Variants in STRN3 observed in about 807,000 individuals in gnomAD.
STRN3 encodes the protein striatin 3.
Under a neutral mutation model 95.6 loss-of-function variants are expected in STRN3, and 29 were observed. That is an observed-to-expected ratio of 0.30 (90% CI 0.23 to 0.41). The LOEUF (loss-of-function observed/expected upper bound fraction) is 0.41. STRN3 is among the 10% of genes least tolerant of loss of function. The probability of loss-of-function intolerance (pLI) is 1.00; values close to 1 mark genes in which losing one functional copy is unlikely to be tolerated. For missense variants in STRN3, 890 were observed against 972.1 expected, an observed-to-expected ratio of 0.92 and a Z score of 1.12; for synonymous variants, 331 against 357.6, an observed-to-expected ratio of 0.93 and a Z score of 0.84.
intron 7 of STRN3, among the ~76,000 whole-genome samples, chr14:30,933,280 T>TA (rs35736582): frequency 0.22 from 5,055 of 23,168 alleles, 737 homozygotes; most frequent in South Asian, 0.49. Flanking sequence ...CCCTGTTTCA[T>TA]AAAAAAAAAA....
intron 1 of STRN3, among the ~76,000 whole-genome samples, chr14:30,967,647 T>C (rs889298392): frequency 5.9e-5 from 9 of 152,316 alleles, no homozygotes; most frequent in East Asian, 1.9e-4. Flanking sequence ...CAGAAGAAAG[T>C]AGAAAAATAA....
Position 30,950,947 on chromosome 14 carries a change from A to C in STRN3, c.461-3T>G. On this transcript the variant is annotated splice_polypyrimidine_tract_variant and splice_region_variant and intron_variant, in intron 3 of 17. Transcript: ENST00000357479. The stretch of plus-strand genomic sequence containing the variant: ...AGCCTCTGTGTCTTTGGTTTCTTCT[A>C]AAAATTAAGAAAAAAAAAGTTTTAC... The C allele has an allele frequency of 6.2e-7, 1 of 1,606,478 alleles. No individual in the cohort carries two copies. The highest frequency in any genetic ancestry group is 8.5e-7 in the Non-Finnish European group (1 of 1,178,232).
At chr14:30,983,005 A>G (rs960781665) in intron 1 of STRN3, among the ~76,000 whole-genome samples, 1 of 152,168 alleles carries the variant, frequency 6.6e-6, no homozygotes, top group Non-Finnish European at 1.5e-5. Flanking sequence ...TGCTACCAAA[A>G]TGCTCCATAA....
At chr14:31,011,836 T>C (rs997832635) in intron 1 of STRN3, among the ~76,000 whole-genome samples, 1 of 152,134 alleles carries the variant, frequency 6.6e-6, no homozygotes, top group Non-Finnish European at 1.5e-5. Flanking sequence ...TCCCAGCACT[T>C]TGGGAGGCCA....
chr14:30,910,940 T>C (rs1161963554), intron 13 of STRN3, 101 bp downstream of exon 13: 2 of 1,284,266 alleles, frequency 1.6e-6, no homozygotes, highest in Admixed American at 2.7e-5. Context: ...CTAAATGAGG[T>C]GACTAATATA....
At chr14:31,013,947 G>A (rs1883116076) in intron 1 of STRN3, among the ~76,000 whole-genome samples, 1 of 133,530 alleles carries the variant, frequency 7.5e-6, no homozygotes, top group Non-Finnish European at 1.6e-5. Flanking sequence ...CTATTGACCA[G>A]ACTAGAGTGC....
rs776771138 is a variant in STRN3, at chr14:30,912,194, G to A, written c.1375-12C>T. ...TTATTAGCAGGCAACTAAAAGGAAA[G>A]AGCACAATATTTAGTGGTAAAAGTA... On this transcript the variant is annotated splice_polypyrimidine_tract_variant and intron_variant, in intron 10 of 17. Transcript: ENST00000357479. 2.4e-4 allele frequency: 392 copies of A among 1,609,526 alleles called. 2 individuals are homozygous for A. The highest frequency in any genetic ancestry group is 3.3e-5 in the Non-Finnish European group (39 of 1,178,540).
chr14:31,002,470 CAAAA>C (rs59491889), intron 1 of STRN3, among the ~76,000 whole-genome samples: 5 of 81,606 alleles, frequency 6.1e-5, no homozygotes, highest in Admixed American at 1.4e-4. Flanking sequence ...GACTCTGTCT[CAAAA>C]AAAAAAAAAA....
intron 7 of STRN3, among the ~76,000 whole-genome samples, chr14:30,933,306 C>T (rs1194673051): frequency 2.5e-5 from 1 of 39,426 alleles, no homozygotes; most frequent in Admixed American, 2.5e-4. Context: ...AAAAAAAAAA[C>T]GATGCAGAAG....
At chr14:30,943,308 C>A (rs769294196) in intron 5 of STRN3, among the ~76,000 whole-genome samples, 1 of 152,164 alleles carries the variant, frequency 6.6e-6, no homozygotes, top group Non-Finnish European at 1.5e-5. Flanking sequence ...TCCGGCCAGG[C>A]GCAGTGGCTC....
chr14:30,929,967 A>AAAAAAACAAAAAAAAAAAAC (rs1878429818), intron 7 of STRN3, among the ~76,000 whole-genome samples: 1 of 91,122 alleles, frequency 1.1e-5, no homozygotes, highest in African/African-American at 3.8e-5. Flanking sequence ...AAAAAAAAAA[A>AAAAAAACAAAAAAAAAAAAC]AAAAAAAAAA....
At chr14:30,992,084 A>G (rs1196316385) in intron 1 of STRN3, among the ~76,000 whole-genome samples, 1 of 152,012 alleles carries the variant, frequency 6.6e-6, no homozygotes, top group Non-Finnish European at 1.5e-5. Context: ...AAACTCAACA[A>G]CAACAACAAC....
In STRN3 at chr14:30,929,974, A is replaced by AAAAAAAACAAAAAAC. The variant is rs1566441515; in HGVS notation, c.989-664_989-663insGTTTTTTGTTTTTTT. Among the ~76,000 whole-genome samples the AAAAAAAACAAAAAAC allele has an allele frequency of 1.7e-3, 259 of 150,000 alleles. 5 individuals carry two copies. Among genetic ancestry groups the AAAAAAAACAAAAAAC allele is most frequent in the African/African-American group, 6.0e-3 (247 of 40,978 alleles). On this transcript the variant is annotated intron_variant, in intron 7 of 17. Coordinates refer to ENST00000357479, the MANE Select transcript of STRN3 (RefSeq NM_001083893.2). ...ATTAGCAAAAAAAAAAAAAAAAAAA[A>AAAAAAAACAAAAAAC]AAAAACTCAAATTCCACTGAAGAAT...
chr14:30,983,743 A>C (rs540380856), intron 1 of STRN3, among the ~76,000 whole-genome samples: 45 of 152,216 alleles, frequency 3.0e-4, no homozygotes, highest in Non-Finnish European at 4.6e-4. Flanking sequence ...CTAAATTTAG[A>C]AGTCAGGTAT....
chr14:30,954,542 A>G (rs372297689), intron 3 of STRN3, among the ~76,000 whole-genome samples: 2 of 152,296 alleles, frequency 1.3e-5, no homozygotes, highest in Non-Finnish European at 2.9e-5. Context: ...GTTTTCCACT[A>G]AACATCCTGA....
intron 12 of STRN3, 133 bp from the exon 13 acceptor site, chr14:30,911,295 CT>C (rs11297035): frequency 0.19 from 82,932 of 447,662 alleles, 800 homozygotes; most frequent in East Asian, 0.3. Context: ...CTGACTGGTA[CT>C]TTTTTTTTTT....
chr14:30,928,675 T>C (rs1878314414), intron 8 of STRN3, among the ~76,000 whole-genome samples: 1 of 152,142 alleles, frequency 6.6e-6, no homozygotes, highest in Non-Finnish European at 1.5e-5. Flanking sequence ...CACTTCTGGT[T>C]TCCTTCACCA....
chr14:30,932,562 T>A (rs1485247679), intron 7 of STRN3, among the ~76,000 whole-genome samples: 2 of 152,204 alleles, frequency 1.3e-5, no homozygotes, highest in African/African-American at 4.8e-5. Flanking sequence ...TATTTCCGTC[T>A]CGTCTGGAAG....
At chr14:30,913,355 C>A (rs1210061447) in intron 10 of STRN3, among the ~76,000 whole-genome samples, 169 bp downstream of exon 10, 1 of 151,860 alleles carries the variant, frequency 6.6e-6, no homozygotes, top group Non-Finnish European at 1.5e-5. Flanking sequence ...AATTTAAATA[C>A]CACAAAGAGA....
Sources: gnomAD v4.1 joint callset for allele counts (sites outside exome capture counted in the v4.1 genomes callset) on GRCh38, gnomAD v4.1.1 for gene constraint, MANE v1.5 for transcripts, NCBI Gene and HGNC (gene_info 2026-07-23, HGNC 2026-07-21) for gene names.